SCAMP4: variants seen among roughly 807,000 people sequenced by gnomAD.
SCAMP4 encodes secretory carrier membrane protein 4.
In SCAMP4, 19 loss-of-function variants were observed where a neutral mutation model predicts 32.1. That is an observed-to-expected ratio of 0.59 (90% CI 0.41 to 0.87). SCAMP4 has a LOEUF of 0.87. Among genes scored for constraint, SCAMP4 ranks in the 40% least tolerant of loss-of-function variants. SCAMP4 has a pLI of 0.00. For synonymous variants in SCAMP4, 152 were observed against 132.7 expected, an observed-to-expected ratio of 1.15 and a Z score of -1.00; for missense variants, 302 against 309.0, an observed-to-expected ratio of 0.98 and a Z score of 0.17.
intron 5 of SCAMP4, chr19:1,920,563 C>T: frequency 1.0e-6 from 1 of 978,974 alleles, no homozygotes; most frequent in Non-Finnish European, 1.2e-6. Flanking sequence ...TGACGTTGCC[C>T]CAGGGATCTG....
At chr19:1,924,039 C>G (rs142559823) in intron 6 of SCAMP4, 69 bp from the exon 7 acceptor site, 6 of 1,351,786 alleles carry the variant, frequency 4.4e-6, no homozygotes, top group Non-Finnish European at 6.1e-6. Flanking sequence ...GGATGACAGG[C>G]GTGAGTCCCC....
intron 5 of SCAMP4, chr19:1,920,531 C>T (rs1568773529): frequency 8.8e-6 from 8 of 913,494 alleles, no homozygotes; most frequent in Non-Finnish European, 1.0e-5. Flanking sequence ...TGGTCTGTCA[C>T]CTGCCACCCC....
chr19:1,914,138 T>A (rs992542846), intron 1 of SCAMP4, among the ~76,000 whole-genome samples: 2 of 151,708 alleles, frequency 1.3e-5, no homozygotes, highest in African/African-American at 2.4e-5. Context: ...TTGGGCCTCC[T>A]TCATGCTCAG....
At chr19:1,912,254 G>A in intron 1 of SCAMP4, 1 of 1,597,504 alleles carries the variant, frequency 6.3e-7, no homozygotes, top group Non-Finnish European at 8.5e-7. Flanking sequence ...TCCTGGACAA[G>A]CGCCAGACCT....
At position 1,924,490 on chromosome 19, in the gene SCAMP4, T is replaced by C. The variant is rs1484281554; in HGVS notation, c.*206T>C. ...CGAGAGCGGAGTTCCTCACAAGCAC[T>C]CCCCAGCAGCCCTTGGCCTCTGCCG... On this transcript the variant is annotated 3_prime_UTR_variant, in exon 7 of 7. Transcript: ENST00000316097. 3 of 588,330 alleles carry C rather than the reference T, an allele frequency of 5.1e-6. No individual in the cohort carries two copies. The highest frequency in any genetic ancestry group is 2.0e-5 in the South Asian group (1 of 50,216). 36.4% of individuals were successfully genotyped at this position (588,330 alleles called of 1,614,324 possible).
In SCAMP4 at chr19:1,918,299, G is replaced by T; in HGVS notation, c.293+16G>T. 1.3e-6 allele frequency: 2 copies of T among 1,580,022 alleles called. No individual in the cohort carries two copies. The highest frequency in any genetic ancestry group is 1.7e-6 in the Non-Finnish European group (2 of 1,166,802). On this transcript the variant is annotated intron_variant, in intron 4 of 6. Coordinates refer to ENST00000316097, the MANE Select transcript of SCAMP4 (RefSeq NM_079834.4). ...AGGCCTTCCGGTGAGCAGAGCTGCC[G>T]GGGGCCGTCTGCACCCAGAGGGAAC...
At chr19:1,910,085 G>A (rs187328294) in intron 1 of SCAMP4, among the ~76,000 whole-genome samples, 3 of 152,306 alleles carry the variant, frequency 2.0e-5, no homozygotes, top group Non-Finnish European at 2.9e-5. Context: ...AGCAGACTCC[G>A]TGCATCTGTG....
At chr19:1,913,049 C>A (rs756796667) in intron 1 of SCAMP4, 83 of 1,603,258 alleles carry the variant, frequency 5.2e-5, no homozygotes, top group Non-Finnish European at 6.9e-5. Context: ...GCGCCCTGGG[C>A]ACCCGCTTCC....
At position 1,919,418 on chromosome 19, in the gene SCAMP4, C is replaced by T. The variant is rs900734985; in HGVS notation, c.395+428C>T. ...GTGCTGTTACCACACCTGAGAAACT[C>T]ACAGTCACTCTCTAAGGCTGCCAGG... On this transcript the variant is annotated intron_variant, in intron 5 of 6. Transcript: ENST00000316097. 4 of 985,132 alleles carry T rather than the reference C, an allele frequency of 4.1e-6. No homozygotes were observed. The African/African-American group carries it at 5.2e-5, about 13-fold the overall frequency. 61.0% of individuals were successfully genotyped at this position (985,132 alleles called of 1,614,324 possible).
rs942859989 is a variant in SCAMP4, at chr19:1,922,411, T to C, written c.396-659T>C. On this transcript the variant is annotated intron_variant, in intron 5 of 6. Transcript: ENST00000316097. ...CCTCATGCCTGGCTAATTTTTGTATTTTTAGTAGAGACGGGGTTTCACCTT... is the reference window on the plus strand; with the variant it reads ...CCTCATGCCTGGCTAATTTTTGTATCTTTAGTAGAGACGGGGTTTCACCTT... 1.3e-5 allele frequency: 9 copies of C among 694,228 alleles called. No homozygotes were observed. In the African/African-American group the frequency reaches 1.7e-4, roughly 13 times the overall value. The allele number at this position is 694,228 out of a possible 1,614,324, so 43.0% of individuals were successfully genotyped here.
At chr19:1,911,161 C>T (rs956394226) in intron 1 of SCAMP4, among the ~76,000 whole-genome samples, 3 of 151,972 alleles carry the variant, frequency 2.0e-5, no homozygotes, top group African/African-American at 7.3e-5. Context: ...AGGCGTGAGC[C>T]ACCGTGCCCG....
At chr19:1,912,342 G>A (rs370368743) in intron 1 of SCAMP4, 8 of 1,533,000 alleles carry the variant, frequency 5.2e-6, no homozygotes, top group African/African-American at 4.3e-5. Context: ...GCCCAGCCGC[G>A]ATGCCGGCAG....
intron 1 of SCAMP4, among the ~76,000 whole-genome samples, chr19:1,910,730 C>A (rs1434650699): frequency 6.6e-6 from 1 of 151,056 alleles, no homozygotes; most frequent in Non-Finnish European, 1.5e-5. Context: ...GTGCGTGGCA[C>A]CATGCCCAGC....
chr19:1,924,667 G>A lies in SCAMP4; in HGVS notation c.*383G>A, dbSNP rs553536276. On this transcript the variant is annotated 3_prime_UTR_variant, in exon 7 of 7. Transcript: ENST00000316097. Reference sequence around the variant, plus strand: ...CTCCCGTCCTCCCAGAGCTGCTGGCGCTGAGGTCAGAGCGGGTCTGATGGG... The same window carrying A: ...CTCCCGTCCTCCCAGAGCTGCTGGCACTGAGGTCAGAGCGGGTCTGATGGG... 6.0e-5 allele frequency: 16 copies of A among 266,100 alleles called. No homozygotes were observed. Among genetic ancestry groups the A allele is most frequent in the South Asian group, 4.1e-4 (9 of 21,780 alleles). 16.5% of individuals were successfully genotyped at this position (266,100 alleles called of 1,614,324 possible).
chr19:1,916,897 C>T (rs1054943360), intron 2 of SCAMP4, among the ~76,000 whole-genome samples: 1 of 152,226 alleles, frequency 6.6e-6, no homozygotes, highest in African/African-American at 2.4e-5. Context: ...CCCTGCCTGC[C>T]GGAGGGAATG....
At chr19:1,911,892 G>A (rs1389444579) in intron 1 of SCAMP4, 2 of 922,414 alleles carry the variant, frequency 2.2e-6, no homozygotes, top group Non-Finnish European at 3.0e-6. Flanking sequence ...CACACCAGGG[G>A]TTAGCAGGAC....
At chr19:1,912,628 A>G in intron 1 of SCAMP4, 1 of 1,450,616 alleles carries the variant, frequency 6.9e-7, no homozygotes, top group Non-Finnish European at 9.0e-7. Flanking sequence ...AGCCACATGG[A>G]GCGGGCGGTG....
intron 1 of SCAMP4, chr19:1,911,890 G>C (rs1191458810): frequency 1.1e-6 from 1 of 873,094 alleles, no homozygotes; most frequent in Non-Finnish European, 1.6e-6. Flanking sequence ...TGCACACCAG[G>C]GGTTAGCAGG....
At chr19:1,919,084 TGGTCC>T in intron 5 of SCAMP4, 94 bp downstream of exon 5, 1 of 1,546,276 alleles carries the variant, frequency 6.5e-7, no homozygotes, top group Non-Finnish European at 8.7e-7. Context: ...CGGAGCGTGC[TGGTCC>T]GGGATTGTAC....
Sources: allele counts gnomAD v4.1 joint callset (sites outside exome capture counted in the v4.1 genomes callset), GRCh38; gene constraint gnomAD v4.1.1; transcripts MANE v1.5; gene names NCBI Gene and HGNC (gene_info 2026-07-23, HGNC 2026-07-21).